ZNF568: variants seen among roughly 807,000 people sequenced by gnomAD.
ZNF568 encodes p53 inhibitor of SCO2 activation.
ZNF568 carries 11 observed loss-of-function variants against 18.1 expected under a neutral mutation model. The observed-to-expected ratio is 0.61, with a 90% confidence interval of 0.38 to 1.00. The LOEUF (loss-of-function observed/expected upper bound fraction) is 1.00. Ranked by LOEUF, ZNF568 falls within the 50% of genes least tolerant of loss-of-function variation. The pLI is 0.01. For synonymous variants in ZNF568, 213 were observed against 246.6 expected (o/e 0.86, Z 1.28); for missense variants, 639 against 768.2 (o/e 0.83, Z 1.99).
rs748337682 is a variant in ZNF568 at position 36,950,932 on chromosome 19, A to G, written c.1779A>G (p.Lys593=). 6.8e-6 allele frequency: 11 copies of G among 1,613,720 alleles called. No individual in the cohort carries two copies. In the Admixed American group the frequency reaches 1.5e-4, roughly 22 times the overall value. The change falls in exon 7 of 7, where the codon AAA becomes AAG. Residue 593 remains lysine, a synonymous_variant. Transcript: ENST00000333987. ...EKPYECNKCG[K]AFSQCSLLII... ...CCTATGAATGTAATAAATGTGGGAA[A>G]GCCTTTTCTCAGTGCTCATTACTTA...
chr19:36,976,867 G>A (rs778987845), intron 7 of ZNF568, among the ~76,000 whole-genome samples: 10 of 151,134 alleles, frequency 6.6e-5, no homozygotes, highest in African/African-American at 1.7e-4. Flanking sequence ...CCAAGATTGC[G>A]CCATTGCACT....
chr19:36,918,740 A>G (rs1305549967), intron 2 of ZNF568, among the ~76,000 whole-genome samples: 1 of 152,098 alleles, frequency 6.6e-6, no homozygotes, highest in East Asian at 1.9e-4. Flanking sequence ...CAGCCAGAGA[A>G]CTCTTCTTCT....
chr19:36,919,230 A>G (rs1252553201), intron 2 of ZNF568, among the ~76,000 whole-genome samples: 1 of 152,166 alleles, frequency 6.6e-6, no homozygotes, highest in Non-Finnish European at 1.5e-5. Flanking sequence ...AGCACCTACT[A>G]TGAATATCAA....
exon 5 of ZNF568, chr19:36,996,886 G>A (rs2074478426): frequency 4.5e-6 from 7 of 1,539,000 alleles, no homozygotes; most frequent in Non-Finnish European, 6.1e-6. Flanking sequence ...TAAGTGTAGG[G>A]AGTGTGGGAA....
At chr19:36,939,122 C>G (rs1045947872) in intron 6 of ZNF568, among the ~76,000 whole-genome samples, 1 of 152,150 alleles carries the variant, frequency 6.6e-6, no homozygotes, top group Non-Finnish European at 1.5e-5. Flanking sequence ...TTGGTTTACC[C>G]TTTCATTCTC....
intron 6 of ZNF568, among the ~76,000 whole-genome samples, chr19:36,961,328 A>G (rs76634723): frequency 0.017 from 2,495 of 150,058 alleles, 41 homozygotes; most frequent in Middle Eastern, 0.052. Context: ...AATCTATTAG[A>G]AATATAGCTA....
At chr19:36,948,657 G>GTTTTTTTTTTTT (rs1568391851) in intron 6 of ZNF568, among the ~76,000 whole-genome samples, 2 of 42,538 alleles carry the variant, frequency 4.7e-5, no homozygotes, top group African/African-American at 2.9e-4. Context: ...TTTTGTTGTT[G>GTTTTTTTTTTTT]ATTTTTTTTT....
chr19:36,988,167 T>C (rs988496088), intron 2 of ZNF568, among the ~76,000 whole-genome samples: 3 of 152,086 alleles, frequency 2.0e-5, no homozygotes, highest in African/African-American at 7.2e-5. Context: ...TTGCCCAGGC[T>C]GGTCTTAAAC....
downstream of ZNF568, among the ~76,000 whole-genome samples, chr19:36,957,457 C>G (rs2074116673): frequency 6.6e-6 from 1 of 152,044 alleles, no homozygotes; most frequent in South Asian, 2.1e-4. Flanking sequence ...GTCTTGAACT[C>G]CTGACCTCAG....
At chr19:36,994,736 ATC>A (rs2074454959) in intron 4 of ZNF568, among the ~76,000 whole-genome samples, 1 of 152,230 alleles carries the variant, frequency 6.6e-6, no homozygotes, top group African/African-American at 2.4e-5. Flanking sequence ...CAGTAGCACA[ATC>A]TCTGCTCACT....
intron 7 of ZNF568, among the ~76,000 whole-genome samples, chr19:36,978,757 A>G (rs551568276): frequency 1.2e-4 from 19 of 152,084 alleles, no homozygotes; most frequent in Middle Eastern, 3.4e-3. Flanking sequence ...CTGACTTTAC[A>G]CTAGTCGTGT....
chr19:36,969,167 C>A (rs986573595), intron 6 of ZNF568, among the ~76,000 whole-genome samples: 4 of 151,372 alleles, frequency 2.6e-5, no homozygotes, highest in Non-Finnish European at 4.4e-5. Context: ...AATACAAGTT[C>A]TTTGTAGTAT....
At chr19:36,960,110 CTTTTTTTTT>C (rs34588591) in intron 6 of ZNF568, among the ~76,000 whole-genome samples, 4 of 87,664 alleles carry the variant, frequency 4.6e-5, no homozygotes, top group Non-Finnish European at 8.7e-5. Flanking sequence ...AATTGTTCTA[CTTTTTTTTT>C]TTTTTTTTTT....
chr19:36,996,287 C>A, intron 4 of ZNF568: 2 of 1,449,482 alleles, frequency 1.4e-6, no homozygotes, highest in Non-Finnish European at 1.8e-6. Context: ...TGTGAAAATA[C>A]CTCCTATTTT....
intron 7 of ZNF568, among the ~76,000 whole-genome samples, chr19:36,978,038 C>T (rs1264961947): frequency 3.3e-5 from 5 of 152,262 alleles, no homozygotes; most frequent in African/African-American, 1.2e-4. Flanking sequence ...CCTCACTCCA[C>T]TGTCTTTTGC....
chr19:36,944,742 C>T (rs1253343371), intron 6 of ZNF568, among the ~76,000 whole-genome samples: 4 of 152,082 alleles, frequency 2.6e-5, no homozygotes, highest in Non-Finnish European at 4.4e-5. Context: ...TGCCCAGTGA[C>T]CCTTAAGGAG....
chr19:36,996,788 C>G (rs1375533549), exon 5 of ZNF568: 2 of 1,553,110 alleles, frequency 1.3e-6, no homozygotes, highest in South Asian at 2.4e-5. Flanking sequence ...GGAGAGAAAC[C>G]TCATAAATGT....
rs910846960 is a variant in ZNF568 at position 36,916,756 on chromosome 19, G to A, written c.-256+165G>A. Reference sequence around the variant, plus strand: ...GTGATATGTGTGTGATTATGATTAAGGCTGTAGCGAGTGTGAACGTGGCGA... The same window carrying A: ...GTGATATGTGTGTGATTATGATTAAAGCTGTAGCGAGTGTGAACGTGGCGA... On this transcript the variant is annotated intron_variant, in intron 1 of 6. Coordinates refer to ENST00000333987, the MANE Select transcript of ZNF568 (RefSeq NM_198539.4). The surrounding 1 kb of genome is among the most constrained non-coding windows in gnomAD (Gnocchi z 5.3). 3.3e-5 allele frequency among the ~76,000 whole-genome samples: 5 copies of A among 152,166 alleles called. No individual in the cohort carries two copies.
chr19:36,981,704 A>G (rs1189670929), downstream of ZNF568, among the ~76,000 whole-genome samples: 1 of 151,960 alleles, frequency 6.6e-6, no homozygotes, highest in Admixed American at 6.6e-5. Context: ...GTGAGACCCC[A>G]TCTCTACTAT....
Sources: gnomAD v4.1 joint callset for allele counts (sites outside exome capture counted in the v4.1 genomes callset) on GRCh38, gnomAD v4.1.1 for gene constraint, Gnocchi (gnomAD v3.1) non-coding constraint, MANE v1.5 for transcripts, NCBI Gene and HGNC (gene_info 2026-07-23, HGNC 2026-07-21) for gene names.